Variants in PPP2R3A observed in about 807,000 individuals in gnomAD.
PPP2R3A encodes the protein serine/threonine-protein phosphatase 2A regulatory subunit B'' subunit alpha.
Under a neutral mutation model 106.9 loss-of-function variants are expected in PPP2R3A, and 80 were observed. That is an observed-to-expected ratio of 0.75 (90% CI 0.62 to 0.90). The LOEUF is 0.90. PPP2R3A is among the 40% of genes least tolerant of loss of function. PPP2R3A has a pLI of 0.00. For missense variants in PPP2R3A, 1,386 were observed against 1,350.4 expected, an observed-to-expected ratio of 1.03 and a Z score of -0.41; for synonymous variants, 483 against 468.3, an observed-to-expected ratio of 1.03 and a Z score of -0.41.
intron 1 of PPP2R3A, among the ~76,000 whole-genome samples, chr3:135,998,095 G>T (rs1933473363): frequency 6.6e-6 from 1 of 152,134 alleles, no homozygotes; most frequent in African/African-American, 2.4e-5. Flanking sequence ...CTGTTTTCCT[G>T]CCCTCTTGCT....
intron 5 of PPP2R3A, among the ~76,000 whole-genome samples, chr3:136,057,576 C>A (rs969840450): frequency 4.6e-5 from 7 of 152,058 alleles, no homozygotes; most frequent in African/African-American, 1.7e-4. Flanking sequence ...GAACTGTACA[C>A]TTAAAATGGT....
At chr3:136,059,753 G>T (rs1936013262) in intron 5 of PPP2R3A, among the ~76,000 whole-genome samples, 1 of 152,156 alleles carries the variant, frequency 6.6e-6, no homozygotes, top group South Asian at 2.1e-4. Flanking sequence ...TGATAGACCA[G>T]ATAAAGAAAA....
At chr3:135,990,478 A>T (rs1386233961) in intron 1 of PPP2R3A, among the ~76,000 whole-genome samples, 1 of 152,202 alleles carries the variant, frequency 6.6e-6, no homozygotes, top group Non-Finnish European at 1.5e-5. Context: ...ACAAATTCCT[A>T]CAAACAAGCC....
chr3:135,995,166 TG>T (rs570147368), intron 1 of PPP2R3A, among the ~76,000 whole-genome samples: 2 of 151,986 alleles, frequency 1.3e-5, no homozygotes, highest in Non-Finnish European at 2.9e-5. Context: ...ACCAAAAGCC[TG>T]GGGGGGTGGG....
chr3:136,112,322 C>T (rs1186849981), intron 13 of PPP2R3A, among the ~76,000 whole-genome samples: 1 of 152,096 alleles, frequency 6.6e-6, no homozygotes, highest in East Asian at 1.9e-4. Context: ...GAAAACTCAT[C>T]AAAATAGGAA....
rs139577616 is a variant in PPP2R3A at position 136,020,897 on chromosome 3, T to A, written c.1996-5935T>A. Among the ~76,000 whole-genome samples the A allele has an allele frequency of 7.5e-3, 1,147 of 152,192 alleles. 21 individuals are homozygous for A. The highest frequency in any genetic ancestry group is 0.026 in the African/African-American group (1,094 of 41,564). ...AGACGTTACATAGTATTTCACTAAG[T>A]GCTGTATATATAAAGTTAAGAATTA... On this transcript the variant is annotated intron_variant, in intron 2 of 13. Coordinates refer to ENST00000264977, the MANE Select transcript of PPP2R3A (RefSeq NM_002718.5).
rs573623746 is a variant in PPP2R3A, at chr3:136,100,254, A to G, written c.2928-1753A>G. Among the ~76,000 whole-genome samples, 4 of 152,282 alleles carry G rather than the reference A, an allele frequency of 2.6e-5. No homozygotes were observed. In the East Asian group the frequency reaches 7.7e-4, roughly 29 times the overall value. On this transcript the variant is annotated intron_variant, in intron 10 of 13. Coordinates refer to ENST00000264977, the MANE Select transcript of PPP2R3A (RefSeq NM_002718.5). ...GCCAGGCGCAGGAGCTCACAACTAAAATTCCAGCACTTTGGGAGGCCAAGA... is the reference window on the plus strand; with the variant it reads ...GCCAGGCGCAGGAGCTCACAACTAAGATTCCAGCACTTTGGGAGGCCAAGA...
intron 2 of PPP2R3A, among the ~76,000 whole-genome samples, chr3:136,004,356 G>A (rs1305724528): frequency 1.3e-5 from 2 of 152,150 alleles, no homozygotes; most frequent in African/African-American, 4.8e-5. Context: ...CAGTCTGATG[G>A]AGGCTCCATG....
chr3:135,967,021 T>A (rs1316170207), intron 1 of PPP2R3A, among the ~76,000 whole-genome samples: 1 of 152,186 alleles, frequency 6.6e-6, no homozygotes, highest in East Asian at 1.9e-4. Context: ...TGGTGGTATG[T>A]TAAAAATTAT....
chr3:136,143,654 G>C (rs550760019), intron 13 of PPP2R3A, among the ~76,000 whole-genome samples: 3 of 152,078 alleles, frequency 2.0e-5, no homozygotes, highest in African/African-American at 7.2e-5. Flanking sequence ...CCCGGGCATG[G>C]TGGCACATGC....
intron 1 of PPP2R3A, among the ~76,000 whole-genome samples, chr3:135,988,968 C>T (rs759848236): frequency 2.6e-5 from 4 of 152,058 alleles, no homozygotes; most frequent in Non-Finnish European, 5.9e-5. Flanking sequence ...TGGGAATGTT[C>T]GTATCTCTCC....
At position 136,122,198 on chromosome 3, in the gene PPP2R3A, G is replaced by A. The variant is rs912481214; in HGVS notation, c.3329+15876G>A. On this transcript the variant is annotated intron_variant, in intron 13 of 13. Transcript: ENST00000264977. ...TAGCTGGGCACGGTGACTCACACCT[G>A]TAACCCCAACACTCTGGGAAGCTGA... Among the ~76,000 whole-genome samples, 5 of 152,146 alleles carry A rather than the reference G, an allele frequency of 3.3e-5. No individual in the cohort carries two copies. The East Asian group carries it at 9.6e-4, about 29-fold the overall frequency.
chr3:136,067,715 G>T (rs995785371), intron 5 of PPP2R3A, among the ~76,000 whole-genome samples: 2 of 152,206 alleles, frequency 1.3e-5, no homozygotes, highest in Admixed American at 1.3e-4. Flanking sequence ...ATTAGTGAAT[G>T]AAGGCATAAA....
rs568664781 is a variant in PPP2R3A at position 136,091,007 on chromosome 3, A to G, written c.2927+340A>G. On this transcript the variant is annotated intron_variant, in intron 10 of 13. Coordinates refer to ENST00000264977, the MANE Select transcript of PPP2R3A (RefSeq NM_002718.5). ...ACTGGTTGAATGGTAAACCATTACT[A>G]TTAGAGAGGGAAAGCAAATTGTGGA... Among the ~76,000 whole-genome samples the G allele has an allele frequency of 7.2e-5, 11 of 152,368 alleles. No homozygotes were observed. The South Asian group carries it at 2.3e-3, about 32-fold the overall frequency.
At chr3:136,079,914 G>C (rs1936726792) in intron 7 of PPP2R3A, among the ~76,000 whole-genome samples, 1 of 151,910 alleles carries the variant, frequency 6.6e-6, no homozygotes, top group South Asian at 2.1e-4. Flanking sequence ...CCTTTCCTTA[G>C]TCTTCCTCTT....
intron 2 of PPP2R3A, among the ~76,000 whole-genome samples, chr3:136,010,519 C>T (rs1352761935): frequency 1.3e-5 from 2 of 149,640 alleles, no homozygotes; most frequent in Admixed American, 6.6e-5. Context: ...CTCCGCCTCC[C>T]GGGTTCACAC....
At chr3:136,023,362 A>G (rs1056970747) in intron 2 of PPP2R3A, among the ~76,000 whole-genome samples, 3 of 152,102 alleles carry the variant, frequency 2.0e-5, no homozygotes, top group Non-Finnish European at 2.9e-5. Flanking sequence ...CTATTCAGCT[A>G]TTTGCAGAAA....
chr3:136,048,548 T>C (rs940254433), intron 4 of PPP2R3A, among the ~76,000 whole-genome samples: 1 of 152,058 alleles, frequency 6.6e-6, no homozygotes, highest in Non-Finnish European at 1.5e-5. Context: ...GGCATGCGCC[T>C]ATAGTCCCAG....
At chr3:136,008,218 A>G (rs1184175870) in intron 2 of PPP2R3A, among the ~76,000 whole-genome samples, 1 of 152,214 alleles carries the variant, frequency 6.6e-6, no homozygotes, top group African/African-American at 2.4e-5. Context: ...CCATGCCTTC[A>G]TTAACATTAG....
Sources: gnomAD v4.1 joint callset for allele counts (sites outside exome capture counted in the v4.1 genomes callset) on GRCh38, gnomAD v4.1.1 for gene constraint, MANE v1.5 for transcripts, NCBI Gene and HGNC (gene_info 2026-07-23, HGNC 2026-07-21) for gene names.